The following DMD variants were observed in gnomAD, a reference collection of about 807,000 sequenced individuals.
DMD encodes dystrophin, also known as mutant dystrophin.
A neutral mutation model predicts 330.1 loss-of-function variants in DMD; 63 were observed. The ratio of observed to expected loss-of-function variants is 0.19; its 90% confidence interval spans 0.16 to 0.24. The LOEUF (loss-of-function observed/expected upper bound fraction) is 0.24, where lower values mean the gene tolerates loss of function less well. Ranked by LOEUF, DMD falls within the 10% of genes least tolerant of loss-of-function variation. DMD has a pLI of 1.00. For synonymous variants in DMD, 1,223 were observed against 959.8 expected, an observed-to-expected ratio of 1.27 and a Z score of -5.07; for missense variants, 3,344 against 2,684.1, an observed-to-expected ratio of 1.25 and a Z score of -5.43.
chrX:32,432,262 C>G (rs769661321), intron 29 of DMD, among the ~76,000 whole-genome samples: 60 of 111,431 alleles, frequency 5.4e-4, no homozygotes, highest in Middle Eastern at 4.6e-3. Flanking sequence ...TTAGCTCCAC[C>G]ATTTTCGTGA....
chrX:32,181,944 A>G (rs2096928438), intron 44 of DMD, among the ~76,000 whole-genome samples: 2 of 112,277 alleles, frequency 1.8e-5, no homozygotes, highest in Admixed American at 9.5e-5. Flanking sequence ...TTTACTTTTC[A>G]AAAATAATGG....
rs1206447091 is a variant in DMD, at chrX:32,111,090, C to T, written c.6438+105826G>A. Reference sequence around the variant, plus strand: ...TTATATTGCATAGCTAGTATGTACCCCAAACCAACAAATATATTTTAAAGG... The same window carrying T: ...TTATATTGCATAGCTAGTATGTACCTCAAACCAACAAATATATTTTAAAGG... On this transcript the variant is annotated intron_variant, in intron 44 of 78. Transcript: ENST00000357033. Among the ~76,000 whole-genome samples, 3 of 111,959 alleles carry T rather than the reference C, an allele frequency of 2.7e-5. No homozygotes were observed. In the Admixed American group the frequency reaches 2.8e-4, roughly 11 times the overall value.
chrX:32,853,770 A>G (rs771445985), intron 2 of DMD, among the ~76,000 whole-genome samples: 5 of 19,497 alleles, frequency 2.6e-4, no homozygotes, highest in South Asian at 2.9e-3. Flanking sequence ...ACAGTGACAG[A>G]AAAAAAAAAA....
intron 18 of DMD, among the ~76,000 whole-genome samples, chrX:32,503,648 C>T (rs763473251): frequency 6.3e-5 from 7 of 110,973 alleles, no homozygotes; most frequent in Non-Finnish European, 1.1e-4. Flanking sequence ...CTCTGCCTCC[C>T]GGGTTCAAGC....
intron 1 of DMD, among the ~76,000 whole-genome samples, chrX:33,251,283 A>G (rs544634655): frequency 8.9e-6 from 1 of 112,012 alleles, no homozygotes; most frequent in Non-Finnish European, 1.9e-5. Flanking sequence ...CTAAAAATGC[A>G]TTTCTTTCTC....
intron 2 of DMD, among the ~76,000 whole-genome samples, chrX:32,933,740 T>C (rs1016117500): frequency 2.7e-5 from 3 of 111,776 alleles, no homozygotes; most frequent in Non-Finnish European, 5.6e-5. Flanking sequence ...GAGAGTGTTA[T>C]CTCGACAACT....
At chrX:31,648,921 AT>A (rs2148557850) in intron 54 of DMD, among the ~76,000 whole-genome samples, 1 of 111,102 alleles carries the variant, frequency 9.0e-6, no homozygotes, top group African/African-American at 3.3e-5. Context: ...ATATTCATTT[AT>A]TAAAAAAACT....
At position 31,406,288 on chromosome X, in the gene DMD, T is replaced by A. The variant is rs138846471; in HGVS notation, c.9084+38193A>T. ...GGCAGAAAAGATAACTATTGAGTACTGGGCTTAATATCTGGGTGATAAAAT... is the reference window on the plus strand; with the variant it reads ...GGCAGAAAAGATAACTATTGAGTACAGGGCTTAATATCTGGGTGATAAAAT... On this transcript the variant is annotated intron_variant, in intron 60 of 78. Transcript: ENST00000357033. Among the ~76,000 whole-genome samples, 1,101 of 111,587 alleles carry A rather than the reference T, an allele frequency of 9.9e-3. 11 individuals are homozygous for A. The highest frequency in any genetic ancestry group is 0.033 in the African/African-American group (1,021 of 30,724).
intron 60 of DMD, among the ~76,000 whole-genome samples, chrX:31,349,234 A>C (rs1306706997): frequency 1.8e-5 from 2 of 112,293 alleles, no homozygotes; most frequent in Non-Finnish European, 3.8e-5. Flanking sequence ...TTGAGGTCAT[A>C]AGTTCGAGGC....
chrX:32,039,125 AG>A (rs1170628404), intron 44 of DMD, among the ~76,000 whole-genome samples: 1 of 110,869 alleles, frequency 9.0e-6, no homozygotes, highest in Non-Finnish European at 1.9e-5. Flanking sequence ...AATGTAAAGG[AG>A]GGGGGGATAT....
At position 32,138,048 on chromosome X, in the gene DMD, C is replaced by T. The variant is rs766949949; in HGVS notation, c.6438+78868G>A. 3.7e-5 allele frequency among the ~76,000 whole-genome samples: 4 copies of T among 109,272 alleles called. No individual in the cohort carries two copies. In the East Asian group the frequency reaches 1.2e-3, roughly 32 times the overall value. 94.9% of individuals were successfully genotyped at this position (109,272 alleles called of 115,157 possible). A position where few individuals can be genotyped will look rare whatever the true frequency, so the allele number is the denominator to read the frequency against. On this transcript the variant is annotated intron_variant, in intron 44 of 78. Transcript: ENST00000357033. ...TATAATTCTTATGAGGGACTAAAGTCCTGCTTAGACTCTAGTCTTCCCAAG... is the reference window on the plus strand; with the variant it reads ...TATAATTCTTATGAGGGACTAAAGTTCTGCTTAGACTCTAGTCTTCCCAAG...
At chrX:32,001,506 G>A (rs1442834472) in intron 44 of DMD, among the ~76,000 whole-genome samples, 9 of 109,857 alleles carry the variant, frequency 8.2e-5, no homozygotes, top group Non-Finnish European at 1.3e-4. Context: ...AGACGCTAGC[G>A]GGTCTCACTG....
intron 32 of DMD, among the ~76,000 whole-genome samples, chrX:32,388,828 T>TTGTG (rs1481603568): frequency 3.6e-5 from 4 of 111,413 alleles, no homozygotes; most frequent in Non-Finnish European, 7.6e-5. Flanking sequence ...TACCTCAGCT[T>TTGTG]TGTTTTCAGA....
chrX:32,325,616 G>T (rs1276965253), intron 41 of DMD, among the ~76,000 whole-genome samples: 1 of 111,312 alleles, frequency 9.0e-6, no homozygotes, highest in East Asian at 2.8e-4. Context: ...GCCCCTCACT[G>T]CATACCCAAT....
intron 1 of DMD, among the ~76,000 whole-genome samples, chrX:33,319,642 C>A (rs953433742): frequency 1.8e-5 from 2 of 112,233 alleles, no homozygotes; most frequent in Non-Finnish European, 3.8e-5. Context: ...TCATCATTAT[C>A]ACCTTTACTA....
intron 1 of DMD, among the ~76,000 whole-genome samples, chrX:33,287,068 T>C (rs931648931): frequency 8.9e-6 from 1 of 111,745 alleles, no homozygotes; most frequent in African/African-American, 3.3e-5. Flanking sequence ...GAGCAAACAA[T>C]AAATATCTGT....
intron 1 of DMD, among the ~76,000 whole-genome samples, chrX:33,294,818 T>A (rs749033553): frequency 1.3e-3 from 142 of 110,824 alleles, no homozygotes; most frequent in African/African-American, 3.6e-3. Context: ...CTTATTACCC[T>A]TGGCAATAGA....
intron 25 of DMD, among the ~76,000 whole-genome samples, chrX:32,460,134 C>T (rs1489928024): frequency 1.8e-5 from 2 of 110,716 alleles, no homozygotes; most frequent in African/African-American, 6.5e-5. Flanking sequence ...AATTCCACAT[C>T]GGTAATCATC....
At chrX:32,920,603 T>C (rs776216370) in intron 2 of DMD, among the ~76,000 whole-genome samples, 4 of 111,814 alleles carry the variant, frequency 3.6e-5, no homozygotes, top group Non-Finnish European at 7.5e-5. Flanking sequence ...AAGTATACAA[T>C]TGAATTTTTG....
Sources: allele counts gnomAD v4.1 joint callset (sites outside exome capture counted in the v4.1 genomes callset), GRCh38; gene constraint gnomAD v4.1.1; transcripts MANE v1.5; gene names NCBI Gene and HGNC (gene_info 2026-07-23, HGNC 2026-07-21).